The following AP1G1 variants were observed in gnomAD, a reference collection of about 807,000 sequenced individuals.
AP1G1 encodes the protein AP-1 complex subunit gamma-1.
AP1G1 carries 7 observed loss-of-function variants against 108.3 expected under a neutral mutation model. That is an observed-to-expected ratio of 0.06 (90% CI 0.04 to 0.12). AP1G1 has a LOEUF of 0.12. AP1G1 is among the 10% of genes least tolerant of loss of function. The probability of loss-of-function intolerance (pLI) is 1.00; values close to 1 mark genes in which losing one functional copy is unlikely to be tolerated. For missense variants in AP1G1, 756 were observed against 1,010.7 expected (o/e 0.75, Z 3.42); for synonymous variants, 379 against 353.5 (o/e 1.07, Z -0.81).
At chr16:71,790,358 T>G (rs1330102742) in intron 1 of AP1G1, among the ~76,000 whole-genome samples, 1 of 151,864 alleles carries the variant, frequency 6.6e-6, no homozygotes, top group Admixed American at 6.6e-5. Context: ...CTGACCAACA[T>G]GGAGAAACCC....
At chr16:71,763,813 G>A (rs2031202811) in intron 9 of AP1G1, among the ~76,000 whole-genome samples, 1 of 152,048 alleles carries the variant, frequency 6.6e-6, no homozygotes, top group African/African-American at 2.4e-5. Context: ...ATGATAGAAT[G>A]AACAAATTCA....
intron 3 of AP1G1, 137 bp from the exon 4 acceptor site, chr16:71,773,499 T>C: frequency 2.3e-6 from 2 of 867,664 alleles, no homozygotes; most frequent in Middle Eastern, 2.3e-4. Flanking sequence ...AGAAAATGTT[T>C]ATCCCAACTT....
chr16:71,794,740 T>C (rs1247533828), intron 1 of AP1G1, among the ~76,000 whole-genome samples: 1 of 150,450 alleles, frequency 6.6e-6, no homozygotes, highest in Admixed American at 6.7e-5. Flanking sequence ...ATGGCCAAAA[T>C]GGTGAAGATG....
At chr16:71,747,177 T>C (rs2030224869) in intron 16 of AP1G1, 1 of 152,328 alleles carries the variant, frequency 6.6e-6, no homozygotes. Context: ...CATTTAAAAG[T>C]GAAGCAGAAA....
chr16:71,777,608 C>T (rs901622785), intron 2 of AP1G1: 4 of 418,730 alleles, frequency 9.6e-6, no homozygotes, highest in African/African-American at 4.1e-5. Context: ...GGCGGTCATG[C>T]CGATGCCCCA....
intron 4 of AP1G1, among the ~76,000 whole-genome samples, chr16:71,771,825 T>C (rs1029210871): frequency 2.0e-5 from 3 of 152,228 alleles, no homozygotes; most frequent in African/African-American, 7.2e-5. Context: ...GAAAGATATA[T>C]ACTGTAAATG....
chr16:71,761,326 A>T (rs1163121932), intron 10 of AP1G1, among the ~76,000 whole-genome samples, 186 bp downstream of exon 10: 1 of 152,226 alleles, frequency 6.6e-6, no homozygotes, highest in Non-Finnish European at 1.5e-5. Flanking sequence ...ACAAATAGGA[A>T]TATATGCCAT....
At chr16:71,792,422 A>C (rs1053054945) in intron 1 of AP1G1, among the ~76,000 whole-genome samples, 1 of 152,238 alleles carries the variant, frequency 6.6e-6, no homozygotes, top group Non-Finnish European at 1.5e-5. Flanking sequence ...ATATATAAGA[A>C]AGTCTATTCT....
chr16:71,771,318 A>T (rs1000322749), intron 4 of AP1G1, 66 bp from the exon 5 acceptor site: 3 of 913,926 alleles, frequency 3.3e-6, no homozygotes, highest in Non-Finnish European at 4.8e-6. Context: ...CAATCTTATT[A>T]AAAAACCACC....
chr16:71,739,908 T>C (rs1225713951), intron 19 of AP1G1, among the ~76,000 whole-genome samples: 1 of 151,994 alleles, frequency 6.6e-6, no homozygotes, highest in Non-Finnish European at 1.5e-5. Flanking sequence ...AACACGCAAG[T>C]CACAAAAGAG....
At chr16:71,751,940 T>A (rs1285566586) in intron 13 of AP1G1, among the ~76,000 whole-genome samples, 1 of 152,072 alleles carries the variant, frequency 6.6e-6, no homozygotes, top group East Asian at 1.9e-4. Context: ...AAAACAACAT[T>A]ATAAGAGAAA....
chr16:71,742,780 G>C (rs2029930959), intron 19 of AP1G1: 1 of 152,074 alleles, frequency 6.6e-6, no homozygotes, highest in Non-Finnish European at 1.5e-5. Context: ...GACCAGCCTG[G>C]CCAACATGGT....
At chr16:71,788,430 T>C (rs1169519860) in intron 2 of AP1G1, among the ~76,000 whole-genome samples, 1 of 152,158 alleles carries the variant, frequency 6.6e-6, no homozygotes, top group African/African-American at 2.4e-5. Context: ...ATTGAGACTA[T>C]CATTCTCAAA....
intron 1 of AP1G1, among the ~76,000 whole-genome samples, chr16:71,803,742 G>A (rs1173767125): frequency 6.6e-6 from 1 of 151,988 alleles, no homozygotes. Flanking sequence ...CTGGTCAACA[G>A]GGTGAAGCCC....
intron 2 of AP1G1, among the ~76,000 whole-genome samples, chr16:71,787,964 G>A (rs1300896150): frequency 6.6e-6 from 1 of 152,098 alleles, no homozygotes; most frequent in Non-Finnish European, 1.5e-5. Flanking sequence ...CTTCTGCCTG[G>A]CTCCTTTTCT....
At chr16:71,767,693 A>G (rs920793738) in intron 6 of AP1G1, among the ~76,000 whole-genome samples, 7 of 152,224 alleles carry the variant, frequency 4.6e-5, no homozygotes, top group African/African-American at 1.7e-4. Context: ...TGGAGTCAGG[A>G]GTTTAAGTGA....
At chr16:71,743,803 A>T (rs531119753) in intron 19 of AP1G1, among the ~76,000 whole-genome samples, 2 of 148,144 alleles carry the variant, frequency 1.4e-5, no homozygotes, top group East Asian at 4.1e-4. Flanking sequence ...AAAATTAGCC[A>T]GGCGCAGTAG....
chr16:71,748,956 G>C (rs1597043735), intron 15 of AP1G1, among the ~76,000 whole-genome samples: 1 of 151,952 alleles, frequency 6.6e-6, no homozygotes, highest in African/African-American at 2.4e-5. Flanking sequence ...ACCCAGGCTG[G>C]AATGCAGTGG....
At chr16:71,768,500 C>CAGAAAAAAAA (rs1555554277) in intron 6 of AP1G1, among the ~76,000 whole-genome samples, 6 of 83,734 alleles carry the variant, frequency 7.2e-5, no homozygotes, top group African/African-American at 2.9e-4. Flanking sequence ...GACTCCGCCA[C>CAGAAAAAAAA]AAAAAAAAAA....
Sources: gnomAD v4.1 joint callset for allele counts (sites outside exome capture counted in the v4.1 genomes callset) on GRCh38, gnomAD v4.1.1 for gene constraint, MANE v1.5 for transcripts, NCBI Gene and HGNC (gene_info 2026-07-23, HGNC 2026-07-21) for gene names.